The following NPTN variants were observed in gnomAD, a reference collection of about 807,000 sequenced individuals.
NPTN encodes SDR-1.
A neutral mutation model predicts 42.7 loss-of-function variants in NPTN; 5 were observed. That is an observed-to-expected ratio of 0.12 (90% CI 0.06 to 0.25). The LOEUF is 0.25. NPTN is among the 10% of genes least tolerant of loss of function. The pLI is 1.00. For synonymous variants in NPTN, 180 were observed against 201.9 expected, an observed-to-expected ratio of 0.89 and a Z score of 0.92; for missense variants, 307 against 525.4, an observed-to-expected ratio of 0.58 and a Z score of 4.06.
rs1287427444 is a variant in NPTN, at chr15:73,570,068, C to G, written c.1114+82G>C. The G allele has an allele frequency of 2.2e-6, 3 of 1,374,606 alleles. No homozygotes were observed. Among genetic ancestry groups the G allele is most frequent in the Non-Finnish European group, 2.9e-6 (3 of 1,022,960 alleles). 85.2% of individuals were successfully genotyped at this position (1,374,606 alleles called of 1,614,324 possible). ...CCTTTAGGGATTGAATCCCAACATC[C>G]CTATAGTCCTCTTTGGGTACTTGGA... On this transcript the variant is annotated intron_variant, in intron 6 of 8. Transcript: ENST00000345330. This position sits in a 1 kb window ranked among gnomAD's most constrained non-coding sequence, Gnocchi z 4.0.
chr15:73,587,679 A>G, intron 3 of NPTN, 61 bp from the exon 4 acceptor site: 1 of 1,243,822 alleles, frequency 8.0e-7, no homozygotes, highest in Non-Finnish European at 1.2e-6. Flanking sequence ...TATAAAACAG[A>G]AGGAGAATCA....
At chr15:73,567,571 G>A (rs971187255) in intron 6 of NPTN, 91 of 985,262 alleles carry the variant, frequency 9.2e-5, no homozygotes, top group Non-Finnish European at 1.1e-4. Context: ...AGGGGAACTG[G>A]CTAAAGAAGG....
chr15:73,596,044 A>G (rs2141407971), intron 2 of NPTN, among the ~76,000 whole-genome samples: 1 of 152,364 alleles, frequency 6.6e-6, no homozygotes, highest in Middle Eastern at 3.4e-3. Context: ...CTATGTCTGG[A>G]GTTCCCATGC....
chr15:73,623,798 TAAGA>T (rs1470947818), intron 1 of NPTN, among the ~76,000 whole-genome samples: 1 of 152,234 alleles, frequency 6.6e-6, no homozygotes, highest in Non-Finnish European at 1.5e-5. Flanking sequence ...CAGTACTATG[TAAGA>T]AAGAGATCAT....
chr15:73,608,861 A>C (rs1595950905), intron 1 of NPTN, among the ~76,000 whole-genome samples: 1 of 152,350 alleles, frequency 6.6e-6, no homozygotes. Context: ...GGGCAGTGAT[A>C]CTATAACTGT....
intron 4 of NPTN, among the ~76,000 whole-genome samples, chr15:73,576,645 A>G (rs1595906658): frequency 6.6e-6 from 1 of 152,088 alleles, no homozygotes; most frequent in Non-Finnish European, 1.5e-5. Flanking sequence ...GTCACTTTCT[A>G]ACAGGCCAGG....
intron 1 of NPTN, among the ~76,000 whole-genome samples, chr15:73,615,558 C>T (rs1566987422): frequency 6.6e-6 from 1 of 152,138 alleles, no homozygotes; most frequent in African/African-American, 2.4e-5. Flanking sequence ...ATCCTATATA[C>T]ATTATTTAAT....
At chr15:73,617,737 T>C (rs968967651) in intron 1 of NPTN, among the ~76,000 whole-genome samples, 3 of 152,206 alleles carry the variant, frequency 2.0e-5, no homozygotes, top group African/African-American at 7.2e-5. Context: ...AAACTCCCAT[T>C]CGGCTTTACA....
At chr15:73,603,586 C>T (rs922748308) in intron 1 of NPTN, among the ~76,000 whole-genome samples, 1 of 152,066 alleles carries the variant, frequency 6.6e-6, no homozygotes, top group African/African-American at 2.4e-5. Flanking sequence ...GAGTTATAAA[C>T]CATTAAATCT....
intron 1 of NPTN, among the ~76,000 whole-genome samples, chr15:73,598,558 T>C (rs1896933292): frequency 6.6e-6 from 1 of 152,142 alleles, no homozygotes; most frequent in African/African-American, 2.4e-5. Flanking sequence ...TACTCTCTCT[T>C]ACCCTTCCAC....
At chr15:73,611,878 C>G (rs1436095342) in intron 1 of NPTN, among the ~76,000 whole-genome samples, 2 of 152,086 alleles carry the variant, frequency 1.3e-5, no homozygotes, top group African/African-American at 2.4e-5. Flanking sequence ...CTCTGTACTT[C>G]CTGCTCAATT....
rs1297990492 is a variant in NPTN, at chr15:73,591,977, G to A, written c.600C>T (p.Asn200=). Residue 200 remains asparagine (N), a synonymous_variant, in exon 3 of 9, where the codon AAC becomes AAT. Coordinates refer to ENST00000345330, the MANE Select transcript of NPTN (RefSeq NM_012428.4). ...CCCACCACTCTCACCTGTACTCCAT[G>A]TTGCTGGCATTCTTACGAGTGGCAC... ...ELSATRKNAS[N]MEYRINKPRA... 2 of 1,612,778 alleles carry A rather than the reference G, an allele frequency of 1.2e-6. No individual in the cohort carries two copies. Among genetic ancestry groups the A allele is most frequent in the African/African-American group, 2.7e-5 (2 of 74,896 alleles).
intron 4 of NPTN, among the ~76,000 whole-genome samples, chr15:73,575,759 C>G (rs551634478): frequency 3.9e-4 from 60 of 152,322 alleles, no homozygotes; most frequent in African/African-American, 1.1e-3. Flanking sequence ...ACAGAATGTG[C>G]TTCCCAGGCA....
intron 1 of NPTN, among the ~76,000 whole-genome samples, chr15:73,619,062 CAAAA>C (rs61683372): frequency 3.3e-5 from 2 of 61,154 alleles, no homozygotes; most frequent in Admixed American, 2.0e-4. Context: ...GACCCTGTCT[CAAAA>C]AAAAAAAAAA....
chr15:73,560,713 T>G lies in NPTN; in HGVS notation c.*350A>C, dbSNP rs1274517392. 2 of 151,784 alleles carry G rather than the reference T, an allele frequency of 1.3e-5. No homozygotes were observed. The highest frequency in any genetic ancestry group is 4.8e-5 in the African/African-American group (2 of 41,296). 9.4% of individuals were successfully genotyped at this position (151,784 alleles called of 1,614,324 possible). A position where few individuals can be genotyped will look rare whatever the true frequency, so the allele number is the denominator to read the frequency against. On this transcript the variant is annotated 3_prime_UTR_variant, in exon 9 of 9. Coordinates refer to ENST00000345330, the MANE Select transcript of NPTN (RefSeq NM_012428.4). ...GTATCACTAGATGGCAGCAGTGCATTTTAGAGCTTTGCCAATTTAACAGCT... is the reference window on the plus strand; with the variant it reads ...GTATCACTAGATGGCAGCAGTGCATGTTAGAGCTTTGCCAATTTAACAGCT...
At chr15:73,598,336 C>T (rs1896922586) in intron 1 of NPTN, among the ~76,000 whole-genome samples, 1 of 152,110 alleles carries the variant, frequency 6.6e-6, no homozygotes, top group South Asian at 2.1e-4. Context: ...TTAAACTAAA[C>T]ACTAGGGTGA....
chr15:73,597,547 TAGA>T lies in NPTN; in HGVS notation c.92-181_92-179del, dbSNP rs963710474. ...CAGTACAGCAATTCATACAAGCTTT[TAGA>T]AGAAGAACCACACCCTGGGAAGCTT... On this transcript the variant is annotated intron_variant, in intron 1 of 8. Transcript: ENST00000345330. The surrounding 1 kb of genome is among the most constrained non-coding windows in gnomAD (Gnocchi z 6.3). Among the ~76,000 whole-genome samples, 2 of 152,328 alleles carry T rather than the reference TAGA, an allele frequency of 1.3e-5. No individual in the cohort carries two copies. The highest frequency in any genetic ancestry group is 4.1e-4 in the South Asian group (2 of 4,826).
rs1390980429 is a variant in NPTN, at chr15:73,570,458, G to C, written c.841-35C>G. 1.3e-6 allele frequency: 2 copies of C among 1,587,510 alleles called. No homozygotes were observed. Among genetic ancestry groups the C allele is most frequent in the Non-Finnish European group, 1.7e-6 (2 of 1,163,186 alleles). ...AGTGAGAATACACAAAGGTGAGAGT[G>C]AGTAACTGAGCTAATGTTCAAGAGA... On this transcript the variant is annotated intron_variant, in intron 5 of 8. Transcript: ENST00000345330. The surrounding 1 kb of genome is among the most constrained non-coding windows in gnomAD (Gnocchi z 4.0).
intron 6 of NPTN, chr15:73,568,102 ACT>A (rs1443730005): frequency 2.0e-6 from 2 of 985,120 alleles, no homozygotes; most frequent in African/African-American, 3.5e-5. Context: ...AACCAAGAAA[ACT>A]CTTACAAAAA....
Sources: allele counts gnomAD v4.1 joint callset (sites outside exome capture counted in the v4.1 genomes callset), GRCh38; gene constraint gnomAD v4.1.1; non-coding constraint Gnocchi (gnomAD v3.1); transcripts MANE v1.5; gene names NCBI Gene and HGNC (gene_info 2026-07-23, HGNC 2026-07-21).